Variants in CPED1 observed in about 807,000 individuals in gnomAD.
CPED1 encodes the protein cadherin-like and PC-esterase domain-containing protein 1.
In CPED1, 114 loss-of-function variants were observed where a neutral mutation model predicts 128.2. The observed-to-expected ratio is 0.89, with a 90% confidence interval of 0.76 to 1.04. The LOEUF (loss-of-function observed/expected upper bound fraction) is 1.04. Among genes scored for constraint, CPED1 ranks in the 50% least tolerant of loss-of-function variants. The probability of loss-of-function intolerance (pLI) is 0.00; values close to 1 mark genes in which losing one functional copy is unlikely to be tolerated. For synonymous variants in CPED1, 462 were observed against 426.7 expected, an observed-to-expected ratio of 1.08 and a Z score of -1.02; for missense variants, 1,211 against 1,207.1, an observed-to-expected ratio of 1.00 and a Z score of -0.05.
At chr7:121,156,643 A>G (rs369411698) in intron 16 of CPED1, among the ~76,000 whole-genome samples, 3 of 152,302 alleles carry the variant, frequency 2.0e-5, no homozygotes, top group East Asian at 3.9e-4. Context: ...AATACATCTC[A>G]TGAAGATTGA....
Position 121,028,448 on chromosome 7 carries a change from G to A in CPED1, c.433+12600G>A, listed in dbSNP as rs192865051. Among the ~76,000 whole-genome samples, 54 of 152,232 alleles carry A rather than the reference G, an allele frequency of 3.5e-4. No individual in the cohort carries two copies. In the East Asian group the frequency reaches 5.6e-3, roughly 16 times the overall value. ...GTAAGAAGCCCCACACTGAATTTGC[G>A]CAGACGCTGAACCCATTAATTATGA... On this transcript the variant is annotated intron_variant, in intron 3 of 22. Transcript: ENST00000310396.
At chr7:121,086,685 C>T (rs552333668) in intron 5 of CPED1, among the ~76,000 whole-genome samples, 2 of 152,308 alleles carry the variant, frequency 1.3e-5, no homozygotes, top group East Asian at 1.9e-4. Context: ...TAAATGCCAA[C>T]ATTCTCCAAG....
intron 14 of CPED1, among the ~76,000 whole-genome samples, chr7:121,140,372 T>C (rs1795873759): frequency 6.6e-6 from 1 of 152,016 alleles, no homozygotes; most frequent in Non-Finnish European, 1.5e-5. Context: ...AGATACTATA[T>C]CAATCAAGTG....
chr7:121,063,067 A>G (rs1450757204), intron 4 of CPED1, among the ~76,000 whole-genome samples: 1 of 152,194 alleles, frequency 6.6e-6, no homozygotes, highest in African/African-American at 2.4e-5. Flanking sequence ...TTTACAATGT[A>G]GTGTTTAGGA....
chr7:121,279,452 C>A (rs1792404259), intron 22 of CPED1, among the ~76,000 whole-genome samples: 1 of 146,948 alleles, frequency 6.8e-6, no homozygotes, highest in Non-Finnish European at 1.5e-5. Context: ...ACTCCCCACC[C>A]CCCGCCACAA....
At chr7:121,183,541 A>G (rs977851693) in intron 16 of CPED1, among the ~76,000 whole-genome samples, 32 of 152,176 alleles carry the variant, frequency 2.1e-4, no homozygotes, top group African/African-American at 6.8e-4. Flanking sequence ...TTTTGTTTCC[A>G]TGTTCTCTCA....
chr7:121,190,839 C>A (rs1055733849), intron 16 of CPED1, among the ~76,000 whole-genome samples: 1 of 152,054 alleles, frequency 6.6e-6, no homozygotes, highest in Non-Finnish European at 1.5e-5. Flanking sequence ...CCACATTTAG[C>A]AAACACATAA....
chr7:121,093,078 G>GT (rs1286117388), intron 5 of CPED1, among the ~76,000 whole-genome samples: 6 of 151,994 alleles, frequency 3.9e-5, no homozygotes, highest in Admixed American at 6.6e-5. Flanking sequence ...GGCTTCTATT[G>GT]TTTTCAAAGC....
At chr7:121,084,164 C>T (rs530147972) in intron 5 of CPED1, among the ~76,000 whole-genome samples, 2 of 152,138 alleles carry the variant, frequency 1.3e-5, no homozygotes, top group African/African-American at 4.8e-5. Flanking sequence ...TGTTACTAAC[C>T]ACTACTGAGT....
At position 121,204,176 on chromosome 7, in the gene CPED1, G is replaced by A. The variant is rs143076272; in HGVS notation, c.2056-32538G>A. Among the ~76,000 whole-genome samples, 180 of 152,178 alleles carry A rather than the reference G, an allele frequency of 1.2e-3. 1 individual carries two copies. Among genetic ancestry groups the A allele is most frequent in the African/African-American group, 4.2e-3 (173 of 41,558 alleles). ...AACTCTTTGTTCCAAAATTGGAGAA[G>A]GGGCCACTGGTTTGATTACGGGTTA... is the stretch of plus-strand genomic sequence containing the variant. On this transcript the variant is annotated intron_variant, in intron 16 of 22. Transcript: ENST00000310396.
intron 16 of CPED1, among the ~76,000 whole-genome samples, chr7:121,190,048 A>AT (rs1328368371): frequency 6.6e-6 from 1 of 151,774 alleles, no homozygotes; most frequent in Non-Finnish European, 1.5e-5. Context: ...CAGTTAAAGA[A>AT]TTTTAACAAG....
intron 7 of CPED1, among the ~76,000 whole-genome samples, chr7:121,116,958 CTCT>C (rs1563031795): frequency 1.2e-5 from 1 of 80,764 alleles, no homozygotes; most frequent in African/African-American, 4.1e-5. Context: ...CTCTCTCTCT[CTCT>C]CTATATATAT....
At chr7:121,281,317 A>G (rs376782613) in intron 22 of CPED1, among the ~76,000 whole-genome samples, 2 of 152,188 alleles carry the variant, frequency 1.3e-5, no homozygotes, top group Non-Finnish European at 1.5e-5. Context: ...TGTGAAATCA[A>G]TTTTGAGTGT....
At chr7:121,125,243 G>GAC (rs1795476175) in intron 8 of CPED1, among the ~76,000 whole-genome samples, 7 of 152,062 alleles carry the variant, frequency 4.6e-5, no homozygotes, top group African/African-American at 1.7e-4. Flanking sequence ...TAACAATAGT[G>GAC]ATTATTAATA....
Position 121,290,178 on chromosome 7 carries a change from G to A in CPED1, c.2869-5262G>A, listed in dbSNP as rs148556401. ...CTGCATAGTACTCCATGGTATATAC[G>A]TGCCACATTTTCCTCATCCAGTCTA... On this transcript the variant is annotated intron_variant, in intron 22 of 22. Transcript: ENST00000310396. 4.0e-3 allele frequency among the ~76,000 whole-genome samples: 610 copies of A among 152,232 alleles called. 7 individuals are homozygous for A. The highest frequency in any genetic ancestry group is 0.014 in the African/African-American group (582 of 41,542).
chr7:121,113,729 C>T (rs752446163), intron 7 of CPED1, among the ~76,000 whole-genome samples: 1 of 151,894 alleles, frequency 6.6e-6, no homozygotes, highest in Admixed American at 6.6e-5. Flanking sequence ...ATACTGGAGA[C>T]GAAACCTGAA....
At chr7:121,223,167 G>A (rs1563070619) in intron 16 of CPED1, among the ~76,000 whole-genome samples, 1 of 152,062 alleles carries the variant, frequency 6.6e-6, no homozygotes, top group East Asian at 1.9e-4. Flanking sequence ...TAGCATGAAG[G>A]GCTGTTGAAT....
chr7:121,117,848 C>T (rs1281760723), intron 7 of CPED1, among the ~76,000 whole-genome samples: 1 of 151,874 alleles, frequency 6.6e-6, no homozygotes, highest in Non-Finnish European at 1.5e-5. Context: ...CATCCTTCTG[C>T]TCTTCAGAAG....
intron 16 of CPED1, among the ~76,000 whole-genome samples, chr7:121,185,446 T>C (rs912152910): frequency 6.6e-6 from 1 of 152,188 alleles, no homozygotes; most frequent in African/African-American, 2.4e-5. Flanking sequence ...TTCTAAAATC[T>C]CTATTAAATC....
Sources: gnomAD v4.1 joint callset for allele counts (sites outside exome capture counted in the v4.1 genomes callset) on GRCh38, gnomAD v4.1.1 for gene constraint, MANE v1.5 for transcripts, NCBI Gene and HGNC (gene_info 2026-07-23, HGNC 2026-07-21) for gene names.